The following NPSR1 variants were observed in gnomAD, a reference collection of about 807,000 sequenced individuals.
The protein encoded by NPSR1 is neuropeptide S receptor 1.
Under a neutral mutation model 46.9 loss-of-function variants are expected in NPSR1, and 48 were observed. That is an observed-to-expected ratio of 1.02 (90% CI 0.81 to 1.30). NPSR1 has a LOEUF of 1.30. NPSR1 is among the 50% of genes most tolerant of loss of function. The pLI, the probability that NPSR1 is intolerant of heterozygous loss-of-function variation, is 0.00. For synonymous variants in NPSR1, 176 were observed against 168.1 expected (o/e 1.05, Z -0.36); for missense variants, 450 against 449.5 (o/e 1.00, Z -0.01).
intron 1 of NPSR1, among the ~76,000 whole-genome samples, chr7:34,670,319 A>G (rs906334255): frequency 3.8e-4 from 58 of 152,114 alleles, no homozygotes; most frequent in African/African-American, 1.4e-3. Context: ...GTCCTGGTAC[A>G]TATATGAACT....
At chr7:34,765,758 G>A (rs1021596868) in intron 2 of NPSR1, among the ~76,000 whole-genome samples, 2 of 152,210 alleles carry the variant, frequency 1.3e-5, no homozygotes, top group Admixed American at 6.5e-5. Flanking sequence ...CAGCAACTTG[G>A]ATGCATCTGG....
At chr7:34,752,102 C>G (rs1785569999) in intron 2 of NPSR1, 1 of 551,576 alleles carries the variant, frequency 1.8e-6, no homozygotes, top group East Asian at 3.3e-5. Context: ...GAAATTATTG[C>G]CAGACCAACT....
At chr7:34,861,281 C>T (rs1791186297) in intron 8 of NPSR1, among the ~76,000 whole-genome samples, 1 of 151,874 alleles carries the variant, frequency 6.6e-6, no homozygotes, top group South Asian at 2.1e-4. Flanking sequence ...CAGAATGAGC[C>T]TCTGAGCCAC....
intron 6 of NPSR1, among the ~76,000 whole-genome samples, chr7:34,839,902 C>T (rs1233354619): frequency 6.6e-6 from 1 of 152,126 alleles, no homozygotes; most frequent in Non-Finnish European, 1.5e-5. Context: ...AGATCTTAGT[C>T]ACATGACTAC....
Position 34,819,005 on chromosome 7 carries a change from A to C in NPSR1, c.478+7142A>C, listed in dbSNP as rs551648544. 3.4e-4 allele frequency among the ~76,000 whole-genome samples: 52 copies of C among 152,324 alleles called. No homozygotes were observed. The South Asian group carries it at 4.8e-3, about 14-fold the overall frequency. The stretch of plus-strand genomic sequence containing the variant: ...AGGCAATACCATTCAGGACATAGGC[A>C]TGGGCAAAGACTTCATGACTAAAAC... On this transcript the variant is annotated intron_variant, in intron 4 of 8. Transcript: ENST00000360581.
At chr7:34,842,231 AC>A (rs1336588868) in intron 6 of NPSR1, among the ~76,000 whole-genome samples, 5 of 152,232 alleles carry the variant, frequency 3.3e-5, no homozygotes, top group African/African-American at 1.2e-4. Context: ...GGAACTTTAG[AC>A]GATTTGCCTA....
At chr7:34,765,339 G>A (rs1786378765) in intron 2 of NPSR1, among the ~76,000 whole-genome samples, 1 of 152,128 alleles carries the variant, frequency 6.6e-6, no homozygotes, top group East Asian at 1.9e-4. Context: ...TCCAATGTTG[G>A]AGCTATTAGA....
chr7:34,792,967 T>G (rs60795993), intron 3 of NPSR1, among the ~76,000 whole-genome samples: 9,939 of 151,192 alleles, frequency 0.066, 927 homozygotes, highest in African/African-American at 0.21. Context: ...GCAGGAGGAT[T>G]TGAGACCAGG....
At chr7:34,723,213 G>A (rs1783955721) in intron 2 of NPSR1, 1 of 152,594 alleles carries the variant, frequency 6.6e-6, no homozygotes, top group Non-Finnish European at 1.5e-5. Context: ...GAACTTCTGG[G>A]AATCCAGGAT....
At chr7:34,790,597 T>C (rs1787687646) in intron 3 of NPSR1, among the ~76,000 whole-genome samples, 1 of 149,370 alleles carries the variant, frequency 6.7e-6, no homozygotes, top group African/African-American at 2.4e-5. Context: ...ATTTTCTGTT[T>C]GAAGATGACC....
intron 2 of NPSR1, among the ~76,000 whole-genome samples, chr7:34,766,350 A>G (rs73325765): frequency 0.068 from 10,374 of 152,196 alleles, 1,018 homozygotes; most frequent in African/African-American, 0.22. Flanking sequence ...TCCACTTCTG[A>G]GTATTTGTCC....
chr7:34,761,726 T>C (rs932016299), intron 2 of NPSR1, among the ~76,000 whole-genome samples: 7 of 152,200 alleles, frequency 4.6e-5, no homozygotes, highest in Admixed American at 2.0e-4. Context: ...TGTGAATTCT[T>C]TTTATTAGGA....
chr7:34,744,613 T>G (rs1469450757), intron 2 of NPSR1, among the ~76,000 whole-genome samples: 1 of 152,228 alleles, frequency 6.6e-6, no homozygotes, highest in Non-Finnish European at 1.5e-5. Context: ...TCCTTCTTCC[T>G]GTTTGAAACA....
intron 2 of NPSR1, among the ~76,000 whole-genome samples, chr7:34,693,749 A>C (rs1216431311): frequency 6.6e-6 from 1 of 152,222 alleles, no homozygotes; most frequent in Non-Finnish European, 1.5e-5. Flanking sequence ...AAAATTTCTC[A>C]TCAAGATACC....
intron 2 of NPSR1, among the ~76,000 whole-genome samples, chr7:34,692,296 C>A (rs1027862572): frequency 5.3e-5 from 8 of 152,054 alleles, no homozygotes; most frequent in Non-Finnish European, 7.4e-5. Context: ...TGACTTTATT[C>A]TTAGCCATAA....
chr7:34,716,369 C>T (rs1363436115), intron 2 of NPSR1, among the ~76,000 whole-genome samples: 1 of 152,164 alleles, frequency 6.6e-6, no homozygotes, highest in Non-Finnish European at 1.5e-5. Context: ...TGGGCAATCA[C>T]TGCCTTCTGA....
chr7:34,837,213 G>A (rs1468532046), intron 6 of NPSR1, among the ~76,000 whole-genome samples: 2 of 152,142 alleles, frequency 1.3e-5, no homozygotes, highest in Non-Finnish European at 2.9e-5. Flanking sequence ...TGAAACAATT[G>A]CCCTGTGGCC....
intron 2 of NPSR1, among the ~76,000 whole-genome samples, chr7:34,772,380 T>C (rs1786725702): frequency 6.6e-6 from 1 of 152,196 alleles, no homozygotes; most frequent in Admixed American, 6.5e-5. Flanking sequence ...CTGTTTGATT[T>C]TCTAAGAGCC....
chr7:34,857,136 T>C (rs1054708593), intron 8 of NPSR1, among the ~76,000 whole-genome samples: 6 of 151,734 alleles, frequency 4.0e-5, no homozygotes, highest in Non-Finnish European at 8.8e-5. Flanking sequence ...TAAAAACTAA[T>C]GAAATGCAGA....
Sources: gnomAD v4.1 joint callset for allele counts (sites outside exome capture counted in the v4.1 genomes callset) on GRCh38, gnomAD v4.1.1 for gene constraint, MANE v1.5 for transcripts, NCBI Gene and HGNC (gene_info 2026-07-23, HGNC 2026-07-21) for gene names.